ABCA1: variants seen among roughly 807,000 people sequenced by gnomAD.
ABCA1 encodes the protein ATP binding cassette subfamily A member 1.
ABCA1 carries 133 observed loss-of-function variants against 262.5 expected under a neutral mutation model. The ratio of observed to expected loss-of-function variants is 0.51; its 90% CI spans 0.44 to 0.59. The LOEUF (loss-of-function observed/expected upper bound fraction) is 0.59, where lower values mean the gene tolerates loss of function less well. Ranked by LOEUF, ABCA1 falls within the 20% of genes least tolerant of loss-of-function variation. The pLI, the probability that ABCA1 is intolerant of heterozygous loss-of-function variation, is 0.00. For synonymous variants in ABCA1, 1,022 were observed against 1,043.5 expected, an observed-to-expected ratio of 0.98 and a Z score of 0.40; for missense variants, 2,452 against 2,777.5, an observed-to-expected ratio of 0.88 and a Z score of 2.63.
At chr9:104,882,263 C>T (rs1262022393) in intron 5 of ABCA1, among the ~76,000 whole-genome samples, 17 of 152,144 alleles carry the variant, frequency 1.1e-4, no homozygotes, top group Admixed American at 1.1e-3. Flanking sequence ...TTGTTTAGAA[C>T]CACCGGCGCA....
intron 5 of ABCA1, among the ~76,000 whole-genome samples, chr9:104,874,686 C>T (rs963365059): frequency 6.6e-6 from 1 of 152,126 alleles, no homozygotes; most frequent in Non-Finnish European, 1.5e-5. Flanking sequence ...GTCAGGAGTT[C>T]GAGACCAGCC....
Position 104,829,087 on chromosome 9 carries a change from C to G in ABCA1, c.1944G>C (p.Trp648Cys), listed in dbSNP as rs1348095915. The G allele has an allele frequency of 6.2e-7, 1 of 1,614,068 alleles. No homozygotes were observed. The highest frequency in any genetic ancestry group is 8.5e-7 in the Non-Finnish European group (1 of 1,180,046). Residue 648 changes from tryptophan (W) to cysteine (C), a missense_variant, in exon 15 of 50, where the codon TGG becomes TGC. Transcript: ENST00000374736. ...TGATGATCACAGCCACTGAGTAAAT[C>G]CAGGCCAGCGTCATGAAGAGGGGCA... is the stretch of plus-strand genomic sequence containing the variant. ...RSMPLFMTLAWIYSVAVIIKG... is the reference protein window; with the variant it reads ...RSMPLFMTLACIYSVAVIIKG...
chr9:104,831,227 T>C lies in ABCA1; in HGVS notation c.1716-126A>G, dbSNP rs1169882030. 6.7e-6 allele frequency: 7 copies of C among 1,049,498 alleles called. No individual in the cohort carries two copies. The Admixed American group carries it at 1.1e-4, about 16-fold the overall frequency. 65.0% of individuals were successfully genotyped at this position (1,049,498 alleles called of 1,614,324 possible). ...CCTTTTTCTATTTTTGTATCTTTTT[T>C]TTTTTTTGAGATGGAGTTTCACTCT... On this transcript the variant is annotated intron_variant, in intron 13 of 49. Transcript: ENST00000374736.
chr9:104,892,538 TTG>T (rs1445627299), intron 2 of ABCA1, among the ~76,000 whole-genome samples: 4 of 152,142 alleles, frequency 2.6e-5, no homozygotes, highest in Non-Finnish European at 5.9e-5. Flanking sequence ...CCCAGGTACT[TTG>T]TGTCTGTATC....
chr9:104,882,787 G>A (rs1324283485), intron 5 of ABCA1, among the ~76,000 whole-genome samples: 2 of 152,228 alleles, frequency 1.3e-5, no homozygotes, highest in Non-Finnish European at 2.9e-5. Context: ...GGCCAAGTCT[G>A]TAGTATTCTT....
At chr9:104,875,938 G>C (rs1180389879) in intron 5 of ABCA1, among the ~76,000 whole-genome samples, 2 of 152,206 alleles carry the variant, frequency 1.3e-5, no homozygotes, top group African/African-American at 4.8e-5. Context: ...AGCAGGTCTA[G>C]AAAATGATCT....
chr9:104,804,003 G>A (rs1830561880), intron 32 of ABCA1, among the ~76,000 whole-genome samples: 1 of 152,192 alleles, frequency 6.6e-6, no homozygotes, highest in East Asian at 1.9e-4. Context: ...TATCACTCCA[G>A]CATGCCCATG....
rs760346286 is a variant in ABCA1 at position 104,796,190 on chromosome 9, T to C, written c.5245A>G (p.Ile1749Val). The C allele has an allele frequency of 1.4e-4, 218 of 1,614,064 alleles. No individual in the cohort carries two copies. Among genetic ancestry groups the C allele is most frequent in the Non-Finnish European group, 1.7e-4 (203 of 1,180,032 alleles). The change falls in exon 39 of 50, where the codon ATC (isoleucine) becomes GTC (valine). Residue 1749 changes from isoleucine (I) to valine (V), a missense_variant. Coordinates refer to ENST00000374736, the MANE Select transcript of ABCA1 (RefSeq NM_005502.4). ...ALLLLLYGWS[I>V]TPLMYPASFV... ...GAGGCTGGGTACATGAGAGGTGTGA[T>C]TGACCACCTGTTGAGACACAAAAAG...
chr9:104,837,308 C>G (rs1306249765), intron 10 of ABCA1, 120 bp downstream of exon 10: 2 of 1,406,618 alleles, frequency 1.4e-6, no homozygotes, highest in Admixed American at 3.9e-5. Flanking sequence ...GGTTTTCACT[C>G]TGGGAATTCC....
intron 31 of ABCA1, 77 bp from the exon 32 acceptor site, chr9:104,804,797 T>G (rs1317376166): frequency 7.9e-7 from 1 of 1,258,252 alleles, no homozygotes; most frequent in East Asian, 2.3e-5. Flanking sequence ...AGGACAACAG[T>G]GACCATGTCC....
chr9:104,896,600 A>G (rs914663961), intron 2 of ABCA1, among the ~76,000 whole-genome samples: 6 of 152,004 alleles, frequency 3.9e-5, no homozygotes, highest in African/African-American at 1.2e-4. Context: ...GCTCCCCCAT[A>G]TATCAGAATG....
At chr9:104,918,134 G>A (rs1480139703) in intron 1 of ABCA1, among the ~76,000 whole-genome samples, 6 of 143,024 alleles carry the variant, frequency 4.2e-5, no homozygotes, top group South Asian at 2.5e-4. Context: ...CATCACCCAC[G>A]GTCTGGTTGA....
At chr9:104,885,441 C>A (rs976404742) in intron 3 of ABCA1, among the ~76,000 whole-genome samples, 6 of 151,952 alleles carry the variant, frequency 3.9e-5, no homozygotes, top group Non-Finnish European at 8.8e-5. Flanking sequence ...AGTTTCACCT[C>A]CTCTGCCAGC....
At chr9:104,859,872 T>C (rs1210415087) in intron 6 of ABCA1, among the ~76,000 whole-genome samples, 1 of 151,982 alleles carries the variant, frequency 6.6e-6, no homozygotes, top group African/African-American at 2.4e-5. Flanking sequence ...CCAACCAACA[T>C]GGTGAAACCC....
At chr9:104,896,748 T>TTTTTTTTTTC (rs1840256620) in intron 2 of ABCA1, among the ~76,000 whole-genome samples, 4 of 121,720 alleles carry the variant, frequency 3.3e-5, no homozygotes, top group African/African-American at 1.4e-4. Flanking sequence ...TTTTTTTTTT[T>TTTTTTTTTTC]CAGACAGAGT....
At position 104,816,607 on chromosome 9, in the gene ABCA1, A is replaced by G. The variant is rs73663553; in HGVS notation, c.3536-262T>C. 0.016 allele frequency among the ~76,000 whole-genome samples: 1,519 copies of G among 96,830 alleles called. 35 individuals are homozygous for G. The highest frequency in any genetic ancestry group is 0.058 in the African/African-American group (1,464 of 25,352). The allele number at this position is 96,830 out of a possible 152,430, so 63.5% of individuals were successfully genotyped here. ...AATGGGTGGACAGCTGGATGGGTGG[A>G]TGGGTGAATGGGAGGATGGGAGGAT... is the stretch of plus-strand genomic sequence containing the variant. On this transcript the variant is annotated intron_variant, in intron 24 of 49. Coordinates refer to ENST00000374736, the MANE Select transcript of ABCA1 (RefSeq NM_005502.4).
At chr9:104,919,927 G>A (rs1842050970) in intron 1 of ABCA1, among the ~76,000 whole-genome samples, 1 of 152,114 alleles carries the variant, frequency 6.6e-6, no homozygotes, top group Non-Finnish European at 1.5e-5. Context: ...GGCATTCCCT[G>A]GTTATTTTTT....
intron 1 of ABCA1, chr9:104,927,528 C>G (rs1826447311): frequency 6.7e-6 from 1 of 148,636 alleles, no homozygotes; most frequent in African/African-American, 2.5e-5. Flanking sequence ...TACTGGCCGA[C>G]CTGCAACCAG....
At chr9:104,819,786 G>A in intron 21 of ABCA1, 63 bp from the exon 22 acceptor site, 6 of 1,613,138 alleles carry the variant, frequency 3.7e-6, no homozygotes, top group Non-Finnish European at 5.1e-6. Context: ...GAAGGCAGAG[G>A]ACCTAGGGGC....
Sources: gnomAD v4.1 joint callset for allele counts (sites outside exome capture counted in the v4.1 genomes callset) on GRCh38, gnomAD v4.1.1 for gene constraint, MANE v1.5 for transcripts, NCBI Gene and HGNC (gene_info 2026-07-23, HGNC 2026-07-21) for gene names.